SHISA6: variants seen among roughly 807,000 people sequenced by gnomAD.
The protein encoded by SHISA6 is shisa family member 6.
Under a neutral mutation model 47.9 loss-of-function variants are expected in SHISA6, and 22 were observed. The ratio of observed to expected loss-of-function variants is 0.46; its 90% CI spans 0.33 to 0.66. SHISA6 has a LOEUF of 0.66. SHISA6 is among the 30% of genes least tolerant of loss of function. SHISA6 has a pLI of 0.02. For synonymous variants in SHISA6, 388 were observed against 337.8 expected (o/e 1.15, Z -1.63); for missense variants, 680 against 764.6 (o/e 0.89, Z 1.30).
rs61203062 is a variant in SHISA6, at chr17:11,526,781, C to CTTTTTGTT, written c.896-25111_896-25104dup. Among the ~76,000 whole-genome samples, 1,007 of 151,072 alleles carry CTTTTTGTT rather than the reference C, an allele frequency of 6.7e-3. 20 individuals are homozygous for CTTTTTGTT. The highest frequency in any genetic ancestry group is 0.023 in the African/African-American group (945 of 41,090). On this transcript the variant is annotated intron_variant, in intron 3 of 5. Transcript: ENST00000441885. ...GCATGGTGGCTCTGATCCTTACTAG[C>CTTTTTGTT]TTTTTGTTTTTATAATTATTTTGTA...
At chr17:11,307,663 A>G (rs1910172170) in intron 2 of SHISA6, among the ~76,000 whole-genome samples, 1 of 152,190 alleles carries the variant, frequency 6.6e-6, no homozygotes, top group Non-Finnish European at 1.5e-5. Flanking sequence ...ATGGATTGGG[A>G]TGGACATTGA....
chr17:11,378,671 C>T (rs185291047), intron 2 of SHISA6, among the ~76,000 whole-genome samples: 9 of 152,284 alleles, frequency 5.9e-5, no homozygotes, highest in Admixed American at 3.9e-4. Context: ...TCCTAACCTG[C>T]CCTCTGTCTT....
At position 11,440,345 on chromosome 17, in the gene SHISA6, A is replaced by C. The variant is rs185823755; in HGVS notation, c.895+60836A>C. Among the ~76,000 whole-genome samples the C allele has an allele frequency of 3.3e-3, 500 of 152,228 alleles. 3 individuals are homozygous for C. Among genetic ancestry groups the C allele is most frequent in the Non-Finnish European group, 5.1e-3 (348 of 68,002 alleles). On this transcript the variant is annotated intron_variant, in intron 3 of 5. Coordinates refer to ENST00000441885, the MANE Select transcript of SHISA6 (RefSeq NM_207386.4). ...GTTTCTTGGAGAGTAGAGGGGATAT[A>C]AAGGAAGTATAGAGGAAAATCCAAT...
At chr17:11,540,397 G>A (rs2071823369) in intron 3 of SHISA6, among the ~76,000 whole-genome samples, 1 of 152,182 alleles carries the variant, frequency 6.6e-6, no homozygotes, top group African/African-American at 2.4e-5. Context: ...ATTAATGGGA[G>A]TCTGGCTATG....
At chr17:11,353,417 A>G (rs2142222793) in intron 2 of SHISA6, among the ~76,000 whole-genome samples, 1 of 150,706 alleles carries the variant, frequency 6.6e-6, no homozygotes, top group African/African-American at 2.4e-5. Flanking sequence ...AGATCACGCC[A>G]CCGCACTCCA....
intron 3 of SHISA6, among the ~76,000 whole-genome samples, chr17:11,495,383 T>A (rs931634448): frequency 2.0e-5 from 3 of 152,058 alleles, no homozygotes; most frequent in East Asian, 1.9e-4. Context: ...GGGGGCCAGA[T>A]GAAAACAAGT....
At chr17:11,278,581 T>C (rs182737894) in intron 2 of SHISA6, among the ~76,000 whole-genome samples, 303 of 152,374 alleles carry the variant, frequency 2.0e-3, no homozygotes, top group Middle Eastern at 6.8e-3. Flanking sequence ...TATGTTGATA[T>C]GGACGTTGCC....
At position 11,502,587 on chromosome 17, in the gene SHISA6, C is replaced by A. The variant is rs552617303; in HGVS notation, c.896-49309C>A. Among the ~76,000 whole-genome samples the A allele has an allele frequency of 1.5e-4, 22 of 151,436 alleles. No homozygotes were observed. The South Asian group carries it at 4.6e-3, about 32-fold the overall frequency. On this transcript the variant is annotated intron_variant, in intron 3 of 5. Coordinates refer to ENST00000441885, the MANE Select transcript of SHISA6 (RefSeq NM_207386.4). ...ACTAAAAGTAAAAAAATTAGCCACGCATGGTGGTGTGTGCCTGTAATCCCA... is the reference window on the plus strand; with the variant it reads ...ACTAAAAGTAAAAAAATTAGCCACGAATGGTGGTGTGTGCCTGTAATCCCA...
At chr17:11,371,980 G>C (rs1912643941) in intron 2 of SHISA6, among the ~76,000 whole-genome samples, 1 of 152,054 alleles carries the variant, frequency 6.6e-6, no homozygotes, top group Non-Finnish European at 1.5e-5. Context: ...ACCTGGAATG[G>C]ACCTATAGAT....
chr17:11,352,369 T>G (rs754804166), intron 2 of SHISA6, among the ~76,000 whole-genome samples: 6 of 152,086 alleles, frequency 3.9e-5, no homozygotes, highest in Non-Finnish European at 7.4e-5. Flanking sequence ...ACAAGTAGAT[T>G]AAGGACCAAA....
chr17:11,312,926 G>C (rs892467745), intron 2 of SHISA6, among the ~76,000 whole-genome samples: 2 of 152,088 alleles, frequency 1.3e-5, no homozygotes, highest in Non-Finnish European at 2.9e-5. Context: ...ATAGGTAAAG[G>C]CGTTGATGTG....
intron 3 of SHISA6, among the ~76,000 whole-genome samples, chr17:11,444,073 C>A (rs900917160): frequency 2.0e-5 from 3 of 152,170 alleles, no homozygotes; most frequent in African/African-American, 7.2e-5. Context: ...AATCCCAACA[C>A]TTTGGGAGGC....
At chr17:11,397,994 T>C (rs1471054704) in intron 3 of SHISA6, among the ~76,000 whole-genome samples, 1 of 152,170 alleles carries the variant, frequency 6.6e-6, no homozygotes, top group Non-Finnish European at 1.5e-5. Flanking sequence ...CTGCTGGTTG[T>C]TTTTAATTTT....
rs547967097 is a variant in SHISA6 at position 11,361,241 on chromosome 17, T to A, written c.800-18173T>A. On this transcript the variant is annotated intron_variant, in intron 2 of 5. Coordinates refer to ENST00000441885, the MANE Select transcript of SHISA6 (RefSeq NM_207386.4). ...TTCAATTATTCTGCTTTTTAGTTCA[T>A]ATATACATTGTTTTCATTAGACTTG... is the stretch of plus-strand genomic sequence containing the variant. Among the ~76,000 whole-genome samples, 8 of 152,304 alleles carry A rather than the reference T, an allele frequency of 5.3e-5. No individual in the cohort carries two copies. The South Asian group carries it at 1.7e-3, about 32-fold the overall frequency.
rs535958753 is a variant in SHISA6, at chr17:11,353,891, G to C, written c.800-25523G>C. ...TCATGTTTAAATAATAATTTCAGGCGAACTGTGAGGAAGACAGGGAAAAGG... is the reference window on the plus strand; with the variant it reads ...TCATGTTTAAATAATAATTTCAGGCCAACTGTGAGGAAGACAGGGAAAAGG... On this transcript the variant is annotated intron_variant, in intron 2 of 5. Coordinates refer to ENST00000441885, the MANE Select transcript of SHISA6 (RefSeq NM_207386.4). Among the ~76,000 whole-genome samples, 7 of 152,218 alleles carry C rather than the reference G, an allele frequency of 4.6e-5. No homozygotes were observed. The South Asian group carries it at 1.0e-3, about 23-fold the overall frequency.
At chr17:11,500,087 C>A (rs1274871581) in intron 3 of SHISA6, among the ~76,000 whole-genome samples, 2 of 152,096 alleles carry the variant, frequency 1.3e-5, no homozygotes, top group African/African-American at 4.8e-5. Context: ...CAGGCAGAGG[C>A]CAGAGATGAG....
At chr17:11,553,771 A>C (rs976881942) in intron 4 of SHISA6, among the ~76,000 whole-genome samples, 1 of 152,218 alleles carries the variant, frequency 6.6e-6, no homozygotes, top group African/African-American at 2.4e-5. Context: ...GGAGATCCAC[A>C]ATCCCAACTC....
At chr17:11,448,761 G>A (rs1314616192) in intron 3 of SHISA6, among the ~76,000 whole-genome samples, 1 of 152,124 alleles carries the variant, frequency 6.6e-6, no homozygotes, top group Non-Finnish European at 1.5e-5. Context: ...GAGAGGTGGA[G>A]GTTGCAGTGA....
chr17:11,531,806 A>T (rs555286885), intron 3 of SHISA6, among the ~76,000 whole-genome samples: 84 of 152,220 alleles, frequency 5.5e-4, no homozygotes, highest in Non-Finnish European at 9.6e-4. Flanking sequence ...CATGCATTGT[A>T]TATTTCAAAA....
Sources: allele counts gnomAD v4.1 joint callset (sites outside exome capture counted in the v4.1 genomes callset), GRCh38; gene constraint gnomAD v4.1.1; transcripts MANE v1.5; gene names NCBI Gene and HGNC (gene_info 2026-07-23, HGNC 2026-07-21).